TXLNB: variants seen among roughly 807,000 people sequenced by gnomAD.
TXLNB encodes beta-taxilin.
A neutral mutation model predicts 57.4 loss-of-function variants in TXLNB; 37 were observed. The ratio of observed to expected loss-of-function variants is 0.64; its 90% CI spans 0.50 to 0.85. TXLNB has a LOEUF of 0.85. Ranked by LOEUF, TXLNB falls within the 40% of genes least tolerant of loss-of-function variation. The pLI is 0.00. For missense variants in TXLNB, 848 were observed against 825.6 expected (o/e 1.03, Z -0.33); for synonymous variants, 302 against 309.6 (o/e 0.98, Z 0.26).
chr6:139,199,776 G>C, the TXLNB span: 2 of 152,518 alleles, frequency 1.3e-5, no homozygotes, highest in East Asian at 3.9e-4. Flanking sequence ...AGAGAAGCCT[G>C]GTATGACCGG....
the TXLNB span, among the ~76,000 whole-genome samples, chr6:139,321,626 A>ACT: frequency 3.0e-5 from 3 of 100,618 alleles, no homozygotes; most frequent in African/African-American, 8.5e-5. Context: ...AGCCCAGACT[A>ACT]CTCTCTCTTT....
intron 8 of TXLNB, among the ~76,000 whole-genome samples, chr6:139,247,244 C>T (rs112495689): frequency 0.085 from 12,926 of 152,032 alleles, 604 homozygotes; most frequent in Middle Eastern, 0.11. Context: ...CAGGTTCAAG[C>T]GATTCTCCTG....
chr6:139,289,374 C>T (rs1235711633), intron 1 of TXLNB, among the ~76,000 whole-genome samples: 1 of 152,186 alleles, frequency 6.6e-6, no homozygotes, highest in Non-Finnish European at 1.5e-5. Flanking sequence ...CGTGCACGCA[C>T]TTAGAGTTGT....
At chr6:139,186,074 AAG>A in the TXLNB span, among the ~76,000 whole-genome samples, 3 of 152,224 alleles carry the variant, frequency 2.0e-5, 1 homozygote, top group Admixed American at 2.0e-4. Context: ...CAAAGGTACA[AAG>A]AGAATTCATT....
the TXLNB span, chr6:139,166,262 T>G: frequency 6.4e-7 from 1 of 1,558,084 alleles, no homozygotes; most frequent in Admixed American, 1.9e-5. Flanking sequence ...TGAAATCTGT[T>G]CTCTCTTTAT....
intron 4 of TXLNB, among the ~76,000 whole-genome samples, chr6:139,268,037 G>A (rs1776658942): frequency 4.6e-5 from 7 of 151,458 alleles, no homozygotes; most frequent in Admixed American, 4.6e-4. Context: ...TGTAATTTCA[G>A]CTACTCAGGA....
the TXLNB span, among the ~76,000 whole-genome samples, chr6:139,226,227 T>C: frequency 7.4e-6 from 1 of 135,996 alleles, no homozygotes; most frequent in Non-Finnish European, 1.5e-5. Context: ...GAGCCCAGGA[T>C]GCAGAGGTTG....
At chr6:139,319,948 TA>T in the TXLNB span, among the ~76,000 whole-genome samples, 1 of 152,284 alleles carries the variant, frequency 6.6e-6, no homozygotes, top group South Asian at 2.1e-4. Flanking sequence ...AAAAAGTTAT[TA>T]AAAATACATT....
chr6:139,243,878 T>C (rs954688060), intron 9 of TXLNB, among the ~76,000 whole-genome samples: 3 of 152,242 alleles, frequency 2.0e-5, no homozygotes, highest in Admixed American at 2.0e-4. Flanking sequence ...CGATGCTGGC[T>C]GCTCAAACGG....
the TXLNB span, among the ~76,000 whole-genome samples, chr6:139,233,337 C>T: frequency 1.4e-5 from 2 of 145,578 alleles, no homozygotes; most frequent in South Asian, 4.4e-4. Context: ...TAAGAGACTG[C>T]CTTTACTATA....
At chr6:139,276,795 T>G in intron 3 of TXLNB, 35 bp downstream of exon 3, 1 of 1,541,146 alleles carries the variant, frequency 6.5e-7, no homozygotes, top group Admixed American at 1.8e-5. Flanking sequence ...GGCTCACTAA[T>G]CGTTCTGAGA....
the TXLNB span, among the ~76,000 whole-genome samples, chr6:139,185,954 A>G: frequency 2.6e-5 from 4 of 152,116 alleles, no homozygotes; most frequent in Admixed American, 2.0e-4. Context: ...TCCTTGACAA[A>G]CCCAGACATT....
intron 9 of TXLNB, 59 bp from the exon 10 acceptor site, chr6:139,243,373 T>C (rs906492440): frequency 6.7e-7 from 1 of 1,496,070 alleles, no homozygotes; most frequent in Non-Finnish European, 8.9e-7. Flanking sequence ...ATAAGCAAAA[T>C]GTCCAGGATG....
At chr6:139,263,595 C>G (rs954830578) in intron 4 of TXLNB, among the ~76,000 whole-genome samples, 9 of 152,236 alleles carry the variant, frequency 5.9e-5, no homozygotes, top group African/African-American at 2.2e-4. Context: ...CTCTTTTCTC[C>G]TAAATCAAAA....
Position 139,242,355 on chromosome 6 carries a change from A to T in TXLNB, c.*171T>A. The T allele has an allele frequency of 2.0e-6, 1 of 493,796 alleles. No individual in the cohort carries two copies. The highest frequency in any genetic ancestry group is 3.2e-6 in the Non-Finnish European group (1 of 310,886). 30.6% of individuals were successfully genotyped at this position (493,796 alleles called of 1,614,324 possible). A position where few individuals can be genotyped will look rare whatever the true frequency, so the allele number is the denominator to read the frequency against. On this transcript the variant is annotated 3_prime_UTR_variant, in exon 10 of 10. Coordinates refer to ENST00000358430, the MANE Select transcript of TXLNB (RefSeq NM_153235.4). ...AAACCTTCAAATCAGCTATAAATTGACAACAAATAGCAAAGTCTGAATGAA... is the reference window on the plus strand; with the variant it reads ...AAACCTTCAAATCAGCTATAAATTGTCAACAAATAGCAAAGTCTGAATGAA...
chr6:139,174,279 G>GATAA, the TXLNB span: 2 of 1,303,240 alleles, frequency 1.5e-6, no homozygotes, highest in South Asian at 3.1e-5. Flanking sequence ...TTATCCAAAT[G>GATAA]ATAAAATCTT....
At chr6:139,246,734 G>A (rs1776074965) in intron 8 of TXLNB, among the ~76,000 whole-genome samples, 2 of 151,944 alleles carry the variant, frequency 1.3e-5, no homozygotes. Flanking sequence ...GACCAACACG[G>A]TGAAACCCCG....
At chr6:139,222,134 C>A in the TXLNB span, among the ~76,000 whole-genome samples, 1 of 151,948 alleles carries the variant, frequency 6.6e-6, no homozygotes, top group Non-Finnish European at 1.5e-5. Context: ...GAATCAAAAT[C>A]TCTAATTAGA....
intron 7 of TXLNB, among the ~76,000 whole-genome samples, chr6:139,254,130 T>C (rs1167649465): frequency 1.3e-5 from 2 of 152,224 alleles, no homozygotes; most frequent in Non-Finnish European, 2.9e-5. Flanking sequence ...ACAATTCTTC[T>C]TTATTATCAG....
Sources: allele counts gnomAD v4.1 joint callset (sites outside exome capture counted in the v4.1 genomes callset), GRCh38; gene constraint gnomAD v4.1.1; transcripts MANE v1.5; gene names NCBI Gene and HGNC (gene_info 2026-07-23, HGNC 2026-07-21).